The following COL6A2 variants were observed in gnomAD, a reference collection of about 807,000 sequenced individuals.
The protein encoded by COL6A2 is collagen type VI alpha 2 chain.
A neutral mutation model predicts 124.9 loss-of-function variants in COL6A2; 90 were observed. The observed-to-expected ratio is 0.72, with a 90% confidence interval of 0.61 to 0.86. The LOEUF is 0.86. Ranked by LOEUF, COL6A2 falls within the 40% of genes least tolerant of loss-of-function variation. The pLI is 0.00. For synonymous variants in COL6A2, 793 were observed against 618.2 expected (o/e 1.28, Z -4.19); for missense variants, 1,607 against 1,502.5 (o/e 1.07, Z -1.15).
At chr21:46,125,003 C>A in intron 23 of COL6A2, 83 bp downstream of exon 23, 1 of 1,527,494 alleles carries the variant, frequency 6.5e-7, no homozygotes, top group Non-Finnish European at 9.1e-7. Context: ...GGAAGGTCAG[C>A]TGGCACGGTC....
intron 1 of COL6A2, among the ~76,000 whole-genome samples, chr21:46,111,066 CT>C (rs1342950140): frequency 6.6e-6 from 1 of 152,198 alleles, no homozygotes; most frequent in Non-Finnish European, 1.5e-5. Context: ...CCGCCCTCCC[CT>C]CTGCACTGTT....
rs2123617421 is a variant in COL6A2 at position 46,112,785 on chromosome 21, A to G, written c.715-19A>G. 1.2e-6 allele frequency: 2 copies of G among 1,613,774 alleles called. No individual in the cohort carries two copies. Among genetic ancestry groups the G allele is most frequent in the South Asian group, 1.1e-5 (1 of 91,080 alleles). ...GTCTCGAGGCACACGGCTAACCAGC[A>G]TGTCTGTCTTTTCTGCAGAAACACG... On this transcript the variant is annotated intron_variant, in intron 3 of 27. Transcript: ENST00000300527.
At position 46,124,652 on chromosome 21, in the gene COL6A2, C is replaced by A; in HGVS notation, c.1673C>A (p.Ala558Glu). Reference protein sequence around the residue: ...PGRKGEKGEPADPGPPGEPGP... With the variant: ...PGRKGEKGEPEDPGPPGEPGP... ...CCACCTGTTCTTGTTCCTTCTCAGG[C>A]GGATCCTGGTCCCCCTGGTGAGCCA... The change falls in exon 22 of 28, where the codon GCG becomes GAG. Residue 558 changes from alanine (A) to glutamate (E), a missense_variant and splice_region_variant. This residue lies in a region of COL6A2 where 1,223 missense variants were observed against 1,052.2 expected (regional missense o/e 1.16). Transcript: ENST00000300527. The A allele has an allele frequency of 1.2e-6, 2 of 1,612,916 alleles. No homozygotes were observed. The highest frequency in any genetic ancestry group is 2.2e-5 in the East Asian group (1 of 44,878).
chr21:46,129,199 C>T (rs747700670), intron 27 of COL6A2: 23 of 1,612,802 alleles, frequency 1.4e-5, no homozygotes, highest in East Asian at 4.5e-5. Context: ...CTTGCAGATG[C>T]ACCGTGGCCT....
At position 46,120,613 on chromosome 21, in the gene COL6A2, G is replaced by T. The variant is rs201514791; in HGVS notation, c.1395+36G>T. ...AGGGTGGGCCGCACCCCAAGGTAGG[G>T]GATCTGAGGGGGTGCAGGGGGGCTG... On this transcript the variant is annotated intron_variant, in intron 16 of 27. Transcript: ENST00000300527. The T allele has an allele frequency of 9.0e-6, 13 of 1,441,752 alleles. No individual in the cohort carries two copies. The Admixed American group carries it at 1.5e-4, about 16-fold the overall frequency. The allele number at this position is 1,441,752 out of a possible 1,614,324, so 89.3% of individuals were successfully genotyped here.
At chr21:46,119,675 A>G in intron 14 of COL6A2, 113 bp from the exon 15 acceptor site, 5 of 979,146 alleles carry the variant, frequency 5.1e-6, no homozygotes, top group Middle Eastern at 3.2e-4. Flanking sequence ...CAGGTCCCAA[A>G]GCCAGAGCCC....
Position 46,116,517 on chromosome 21 carries a change from CAGT to C in COL6A2, c.927+115_927+117del. 1 of 1,577,812 alleles carries C rather than the reference CAGT, an allele frequency of 6.3e-7. No individual in the cohort carries two copies. Among genetic ancestry groups the C allele is most frequent in the Non-Finnish European group, 8.7e-7 (1 of 1,152,164 alleles). ...CTGGGGCACCGGCCTGGTCTTTTCT[CAGT>C]GGTGGCTTTGGGGGCTCCTGGGGGG... is the stretch of plus-strand genomic sequence containing the variant. On this transcript the variant is annotated intron_variant, in intron 8 of 27. Coordinates refer to ENST00000300527, the MANE Select transcript of COL6A2 (RefSeq NM_001849.4). The surrounding 1 kb of genome is among the most constrained non-coding windows in gnomAD (Gnocchi z 4.6).
chr21:46,127,678 C>G (rs76680609), intron 27 of COL6A2, among the ~76,000 whole-genome samples: 5,170 of 152,208 alleles, frequency 0.034, 298 homozygotes, highest in African/African-American at 0.12. Context: ...CTCGGGACCC[C>G]ATGATGGGCG....
chr21:46,112,323 G>A lies in COL6A2; in HGVS notation c.460G>A (p.Val154Ile), dbSNP rs751410120. 28 of 1,611,434 alleles carry A rather than the reference G, an allele frequency of 1.7e-5. No individual in the cohort carries two copies. The highest frequency in any genetic ancestry group is 1.6e-4 in the Middle Eastern group (1 of 6,082). ...CCGGCAGGACCGCAGCAAGGGCACCGTCCACTTCGCCGTGGTCATCACCGA... is the reference window on the plus strand; with the variant it reads ...CCGGCAGGACCGCAGCAAGGGCACCATCCACTTCGCCGTGGTCATCACCGA... Reference protein sequence around the residue: ...QIRQDRSKGTVHFAVVITDGH... With the variant: ...QIRQDRSKGTIHFAVVITDGH... Residue 154 changes from valine to isoleucine, a missense_variant, in exon 3 of 28, where the codon GTC becomes ATC. By Grantham distance (29) the Val-to-Ile change is conservative. Transcript: ENST00000300527.
intron 27 of COL6A2, among the ~76,000 whole-genome samples, chr21:46,126,989 C>G (rs1384792682): frequency 1.4e-5 from 2 of 138,638 alleles, no homozygotes; most frequent in Non-Finnish European, 3.1e-5. Flanking sequence ...CCCTGGCCTG[C>G]CTCGGAGCTG....
In COL6A2 at chr21:46,132,730, T is replaced by TCC. The variant is rs1432683147; in HGVS notation, c.*181_*182dup. 4 of 650,976 alleles carry TCC rather than the reference T, an allele frequency of 6.1e-6. No homozygotes were observed. In the African/African-American group the frequency reaches 7.4e-5, roughly 12 times the overall value. 40.3% of individuals were successfully genotyped at this position (650,976 alleles called of 1,614,324 possible). ...CCCGGCCCCCGCCCAGCCCCAGGTC[T>TCC]CCCCAGGCCCTCCGCAGGCTGCCCG... On this transcript the variant is annotated 3_prime_UTR_variant, in exon 28 of 28. Transcript: ENST00000300527.
intron 27 of COL6A2, among the ~76,000 whole-genome samples, chr21:46,130,367 G>A (rs562794182): frequency 6.6e-6 from 1 of 152,320 alleles, no homozygotes; most frequent in Non-Finnish European, 1.5e-5. Context: ...CCATCCAAAG[G>A]GAGCGGCCCC....
chr21:46,116,426 C>T lies in COL6A2; in HGVS notation c.927+23C>T, dbSNP rs886609107. ...AAGGTGAGGCTCTTGCCCTGACAGA[C>T]CTCAGACCTGCGCCAGCCTCGGCCC... is the stretch of plus-strand genomic sequence containing the variant. On this transcript the variant is annotated intron_variant, in intron 8 of 27. Transcript: ENST00000300527. The surrounding 1 kb of genome is among the most constrained non-coding windows in gnomAD (Gnocchi z 4.6). The T allele has an allele frequency of 1.9e-6, 3 of 1,612,416 alleles. No individual in the cohort carries two copies. Among genetic ancestry groups the T allele is most frequent in the African/African-American group, 1.3e-5 (1 of 74,878 alleles).
intron 1 of COL6A2, among the ~76,000 whole-genome samples, chr21:46,101,019 G>A (rs1308222475): frequency 6.6e-6 from 1 of 152,164 alleles, no homozygotes. Flanking sequence ...TGCCAACAGT[G>A]CACAAGGGTC....
intron 3 of COL6A2, 31 bp from the exon 4 acceptor site, chr21:46,112,773 C>A (rs368716946): frequency 6.2e-7 from 1 of 1,613,738 alleles, no homozygotes; most frequent in Non-Finnish European, 8.5e-7. Context: ...TCGAGGCACA[C>A]GGCTAACCAG....
chr21:46,119,678 C>T (rs1054904115), intron 14 of COL6A2, 110 bp from the exon 15 acceptor site: 1 of 1,009,634 alleles, frequency 9.9e-7, no homozygotes, highest in Non-Finnish European at 1.5e-6. Flanking sequence ...GTCCCAAAGC[C>T]AGAGCCCTCC....
intron 14 of COL6A2, 90 bp downstream of exon 14, chr21:46,119,209 GT>G: frequency 9.9e-7 from 1 of 1,010,298 alleles, no homozygotes; most frequent in Non-Finnish European, 1.5e-6. Context: ...CACCTGGGCT[GT>G]AGGCAGGATC....
At position 46,112,061 on chromosome 21, in the gene COL6A2, G is replaced by C; in HGVS notation, c.198G>C (p.Leu66=). The change falls in exon 3 of 28, where the codon CTG becomes CTC. Residue 66 remains leucine, a synonymous_variant. Coordinates refer to ENST00000300527, the MANE Select transcript of COL6A2 (RefSeq NM_001849.4). ...CCATGCAGTCCCCCACGGACATCCTGCTCTTCCACATGAAGCAGTTCGTGC... is the reference window on the plus strand; with the variant it reads ...CCATGCAGTCCCCCACGGACATCCTCCTCTTCCACATGAAGCAGTTCGTGC... ...SVTMQSPTDI[L]LFHMKQFVPQ... 1 of 1,613,114 alleles carries C rather than the reference G, an allele frequency of 6.2e-7. No homozygotes were observed. Among genetic ancestry groups the C allele is most frequent in the Non-Finnish European group, 8.5e-7 (1 of 1,180,024 alleles).
In COL6A2 at chr21:46,125,810, CA is replaced by C; in HGVS notation, c.1996del (p.Ser666AlafsTer89). The C allele has an allele frequency of 6.2e-7, 1 of 1,612,556 alleles. No individual in the cohort carries two copies. The highest frequency in any genetic ancestry group is 8.5e-7 in the Non-Finnish European group (1 of 1,179,834). On this transcript the variant is annotated frameshift_variant, in exon 26 of 28. Coordinates refer to ENST00000300527, the MANE Select transcript of COL6A2 (RefSeq NM_001849.4). LOFTEE classifies it high-confidence loss of function. ...TGTRVGVVQY[S>X]HEGTFEAIQL... ...GGACGCGTGTGGGCGTGGTGCAGTA[CA>C]GCCACGAGGGCACCTTTGAGGCCAT...
Sources: allele counts gnomAD v4.1 joint callset (sites outside exome capture counted in the v4.1 genomes callset), GRCh38; gene constraint gnomAD v4.1.1; regional missense constraint gnomAD v4.1.1; non-coding constraint Gnocchi (gnomAD v3.1); transcripts MANE v1.5; gene names NCBI Gene and HGNC (gene_info 2026-07-23, HGNC 2026-07-21).